The following GNA12 variants were observed in gnomAD, a reference collection of about 807,000 sequenced individuals.
GNA12 encodes G protein subunit alpha 12, also known as guanine nucleotide-binding protein subunit alpha-12.
Under a neutral mutation model 26.0 loss-of-function variants are expected in GNA12, and 9 were observed. The observed-to-expected ratio is 0.35, with a 90% CI of 0.21 to 0.60. GNA12 has a LOEUF of 0.60. Ranked by LOEUF, GNA12 falls within the 20% of genes least tolerant of loss-of-function variation. The probability of loss-of-function intolerance (pLI) is 0.78; values close to 1 mark genes in which losing one functional copy is unlikely to be tolerated. For missense variants in GNA12, 405 were observed against 525.8 expected (o/e 0.77, Z 2.25); for synonymous variants, 264 against 219.6 (o/e 1.20, Z -1.79).
intron 1 of GNA12, among the ~76,000 whole-genome samples, chr7:2,837,498 C>A (rs1778871889): frequency 6.6e-6 from 1 of 152,162 alleles, no homozygotes; most frequent in South Asian, 2.1e-4. Context: ...CCAAGCAAAC[C>A]CCAAATATAA....
Position 2,749,979 on chromosome 7 carries a change from G to C in GNA12, c.526-16478C>G, listed in dbSNP as rs572729328. Among the ~76,000 whole-genome samples, 11 of 152,324 alleles carry C rather than the reference G, an allele frequency of 7.2e-5. 2 individuals carry two copies. In the South Asian group the frequency reaches 2.1e-3, roughly 29 times the overall value. ...AAGAGAACAAAGAGAGTGGGGCAGAGAATGTTTTTAGAAGCAGAAAACTTT... is the reference window on the plus strand; with the variant it reads ...AAGAGAACAAAGAGAGTGGGGCAGACAATGTTTTTAGAAGCAGAAAACTTT... On this transcript the variant is annotated intron_variant, in intron 2 of 3. Transcript: ENST00000275364.
chr7:2,732,768 C>T (rs1010183643), intron 3 of GNA12, among the ~76,000 whole-genome samples: 3 of 152,112 alleles, frequency 2.0e-5, no homozygotes, highest in African/African-American at 7.2e-5. Flanking sequence ...AGAAACCCTA[C>T]AGGATAAATA....
At chr7:2,789,112 G>A (rs1348083496) in intron 2 of GNA12, among the ~76,000 whole-genome samples, 2 of 139,296 alleles carry the variant, frequency 1.4e-5, no homozygotes, top group African/African-American at 5.2e-5. Flanking sequence ...GAGCCACCGT[G>A]CCCGGACCCC....
Position 2,802,339 on chromosome 7 carries a change from T to G in GNA12, c.310-7196A>C, listed in dbSNP as rs904812758. ...AAGACAACTTATAAATCCAGCAACT[T>G]AAACTTCTAGTCAAAGTATAGATTC... On this transcript the variant is annotated intron_variant, in intron 1 of 3. Transcript: ENST00000275364. Among the ~76,000 whole-genome samples, 12 of 135,660 alleles carry G rather than the reference T, an allele frequency of 8.8e-5. No homozygotes were observed. In the Admixed American group the frequency reaches 1.1e-3, roughly 12 times the overall value. The allele number at this position is 135,660 out of a possible 152,430, so 89.0% of individuals were successfully genotyped here. A position where few individuals can be genotyped will look rare whatever the true frequency, so the allele number is the denominator to read the frequency against.
intron 2 of GNA12, chr7:2,762,990 G>C: frequency 7.7e-7 from 1 of 1,304,768 alleles, no homozygotes; most frequent in Non-Finnish European, 9.7e-7. Flanking sequence ...GCCCTTGTGT[G>C]CTACTGTGGT....
rs796622616 is a variant in GNA12 at position 2,759,113 on chromosome 7, C to T, written c.526-25612G>A. Reference sequence around the variant, plus strand: ...CGAGATTACACCATTGCACTCAGCCCTGGGCCACAGAGCAAAACACTGTCT... The same window carrying T: ...CGAGATTACACCATTGCACTCAGCCTTGGGCCACAGAGCAAAACACTGTCT... On this transcript the variant is annotated intron_variant, in intron 2 of 3. Coordinates refer to ENST00000275364, the MANE Select transcript of GNA12 (RefSeq NM_007353.3). Among the ~76,000 whole-genome samples, 226 of 150,422 alleles carry T rather than the reference C, an allele frequency of 1.5e-3. 3 individuals carry two copies. Among genetic ancestry groups the T allele is most frequent in the African/African-American group, 5.1e-3 (207 of 40,882 alleles).
intron 2 of GNA12, among the ~76,000 whole-genome samples, chr7:2,789,356 C>T (rs564687979): frequency 6.9e-6 from 1 of 145,414 alleles, no homozygotes; most frequent in Non-Finnish European, 1.5e-5. Flanking sequence ...GGGATGGTCT[C>T]GATCTCCTGA....
chr7:2,743,856 C>T (rs902643917), intron 2 of GNA12, among the ~76,000 whole-genome samples: 6 of 152,162 alleles, frequency 3.9e-5, no homozygotes, highest in East Asian at 1.9e-4. Flanking sequence ...GCTTAAAAAA[C>T]GGCACACCAG....
At chr7:2,815,096 GA>G (rs1793186444) in intron 1 of GNA12, 8 of 1,175,026 alleles carry the variant, frequency 6.8e-6, no homozygotes, top group Non-Finnish European at 9.3e-6. Flanking sequence ...GAACCAGACA[GA>G]CAAGGCCTTG....
chr7:2,825,087 T>G (rs1793453667), intron 1 of GNA12, among the ~76,000 whole-genome samples: 1 of 152,132 alleles, frequency 6.6e-6, no homozygotes, highest in African/African-American at 2.4e-5. Flanking sequence ...AACATCAGAC[T>G]GCCACCAAAA....
rs756603785 is a variant in GNA12, at chr7:2,729,503, G to C, written c.*1678C>G. 6.6e-6 allele frequency: 1 copy of C among 152,530 alleles called. No homozygotes were observed. The highest frequency in any genetic ancestry group is 2.1e-4 in the South Asian group (1 of 4,828). The allele number at this position is 152,530 out of a possible 1,614,324, so 9.4% of individuals were successfully genotyped here. A position where few individuals can be genotyped will look rare whatever the true frequency, so the allele number is the denominator to read the frequency against. The stretch of plus-strand genomic sequence containing the variant: ...ACACAGCCTCGAGCACTGCGAGAGA[G>C]AGTTCCATGCTGTCTCCCGATGAGA... On this transcript the variant is annotated 3_prime_UTR_variant, in exon 4 of 4. Transcript: ENST00000275364.
At chr7:2,764,138 A>G (rs903790272) in intron 2 of GNA12, among the ~76,000 whole-genome samples, 2 of 151,894 alleles carry the variant, frequency 1.3e-5, no homozygotes, top group African/African-American at 4.8e-5. Context: ...TGGTGCAATC[A>G]TGGCTCACTG....
At position 2,731,163 on chromosome 7, in the gene GNA12, ACCCCGGG is replaced by A. The variant is rs1487513394; in HGVS notation, c.*11_*17del. 10 of 1,572,044 alleles carry A rather than the reference ACCCCGGG, an allele frequency of 6.4e-6. No homozygotes were observed. The highest frequency in any genetic ancestry group is 8.7e-6 in the Non-Finnish European group (10 of 1,151,264). On this transcript the variant is annotated 3_prime_UTR_variant, in exon 4 of 4. Transcript: ENST00000275364. The surrounding 1 kb of genome is among the most constrained non-coding windows in gnomAD (Gnocchi z 6.0). ...CGTGGGGGCTGCTCAACGACGACAA[ACCCCGGG>A]GCTTCCTCGCTCACTGCAGCATGAT... is the stretch of plus-strand genomic sequence containing the variant.
chr7:2,753,870 C>T (rs558993776), intron 2 of GNA12, among the ~76,000 whole-genome samples: 4 of 152,228 alleles, frequency 2.6e-5, no homozygotes, highest in African/African-American at 9.6e-5. Context: ...TAGGAACAAT[C>T]TGTTCCTTTT....
chr7:2,766,045 C>T (rs1037485708), intron 2 of GNA12, among the ~76,000 whole-genome samples: 10 of 152,244 alleles, frequency 6.6e-5, no homozygotes, highest in South Asian at 6.2e-4. Context: ...AGCATATTAA[C>T]GTTGTTGTGA....
chr7:2,838,918 G>T (rs1224602669), intron 1 of GNA12, among the ~76,000 whole-genome samples: 1 of 152,188 alleles, frequency 6.6e-6, no homozygotes, highest in Non-Finnish European at 1.5e-5. Flanking sequence ...AGCTAAAGAA[G>T]AAATAGACAA....
At chr7:2,762,551 G>C in intron 2 of GNA12, 1 of 1,361,682 alleles carries the variant, frequency 7.3e-7, no homozygotes, top group Non-Finnish European at 9.9e-7. Context: ...CTATTCTGGA[G>C]TTAGATCCAA....
chr7:2,751,158 C>T (rs1490931998), intron 2 of GNA12, among the ~76,000 whole-genome samples: 1 of 152,066 alleles, frequency 6.6e-6, no homozygotes, highest in Non-Finnish European at 1.5e-5. Flanking sequence ...GAGGCTGAGG[C>T]AGGTGGACTG....
At chr7:2,759,956 G>A (rs1187777658) in intron 2 of GNA12, among the ~76,000 whole-genome samples, 1 of 152,188 alleles carries the variant, frequency 6.6e-6, no homozygotes, top group Non-Finnish European at 1.5e-5. Context: ...TGTGTAGGCT[G>A]GAAGCCACCA....
Sources: allele counts gnomAD v4.1 joint callset (sites outside exome capture counted in the v4.1 genomes callset), GRCh38; gene constraint gnomAD v4.1.1; non-coding constraint Gnocchi (gnomAD v3.1); transcripts MANE v1.5; gene names NCBI Gene and HGNC (gene_info 2026-07-23, HGNC 2026-07-21).